The following RECQL5 variants were observed in gnomAD, a reference collection of about 807,000 sequenced individuals.
RECQL5 encodes ATP-dependent DNA helicase Q5.
Under a neutral mutation model 103.4 loss-of-function variants are expected in RECQL5, and 88 were observed. The ratio of observed to expected loss-of-function variants is 0.85; its 90% confidence interval spans 0.72 to 1.02. RECQL5 has a LOEUF of 1.02. Ranked by LOEUF, RECQL5 falls within the 50% of genes least tolerant of loss-of-function variation. The pLI is 0.00. For missense variants in RECQL5, 1,232 were observed against 1,284.3 expected (o/e 0.96, Z 0.62); for synonymous variants, 552 against 507.9 (o/e 1.09, Z -1.17).
chr17:75,630,868 T>C (rs2148231734), intron 11 of RECQL5, 31 bp from the exon 12 acceptor site: 1 of 1,499,576 alleles, frequency 6.7e-7, no homozygotes, highest in Non-Finnish European at 9.0e-7. Flanking sequence ...CCTTGGTCCT[T>C]TCGCTCCACC....
intron 8 of RECQL5, chr17:75,649,398 G>A (rs1661245325): frequency 6.5e-6 from 1 of 153,464 alleles, no homozygotes; most frequent in African/African-American, 2.4e-5. Flanking sequence ...CGCCTCATTA[G>A]TTAACTGACC....
chr17:75,630,195 C>T lies in RECQL5; in HGVS notation c.1801G>A (p.Val601Met), dbSNP rs773370158. 21 of 1,552,332 alleles carry T rather than the reference C, an allele frequency of 1.4e-5. No individual in the cohort carries two copies. The highest frequency in any genetic ancestry group is 1.7e-4 in the Middle Eastern group (1 of 6,004). Residue 601 changes from valine to methionine, a missense_variant, in exon 14 of 20, where the codon GTG becomes ATG. Coordinates refer to ENST00000317905, the MANE Select transcript of RECQL5 (RefSeq NM_004259.7). ...TGCACCAGGCCCACCTTCTTCAGCA[C>T]GCTGGCCTTGTAGAGGTTGGCCACC... is the stretch of plus-strand genomic sequence containing the variant. ...AKVANLYKASVLKKVADIHRA... is the reference protein window; with the variant it reads ...AKVANLYKASMLKKVADIHRA...
At chr17:75,644,351 T>C (rs1324091023) in intron 8 of RECQL5, among the ~76,000 whole-genome samples, 1 of 151,642 alleles carries the variant, frequency 6.6e-6, no homozygotes, top group African/African-American at 2.4e-5. Context: ...GTATATCACA[T>C]GCATGTAATC....
Position 75,641,824 on chromosome 17 carries a change from C to T in RECQL5, c.1229+9362G>A, listed in dbSNP as rs28545000. 2.8e-3 allele frequency among the ~76,000 whole-genome samples: 425 copies of T among 152,300 alleles called. 3 individuals carry two copies. Among genetic ancestry groups the T allele is most frequent in the Middle Eastern group, 0.014 (4 of 294 alleles). On this transcript the variant is annotated intron_variant, in intron 8 of 19. Coordinates refer to ENST00000317905, the MANE Select transcript of RECQL5 (RefSeq NM_004259.7). Reference sequence around the variant, plus strand: ...TGTAACCTGCCTCCTGACCCTGTGGCCCTCCCCCATTTGTGTGCTGTCTGG... The same window carrying T: ...TGTAACCTGCCTCCTGACCCTGTGGTCCTCCCCCATTTGTGTGCTGTCTGG...
At chr17:75,629,558 T>A in intron 15 of RECQL5, 83 bp from the exon 16 acceptor site, 2 of 1,498,320 alleles carry the variant, frequency 1.3e-6, no homozygotes, top group Non-Finnish European at 1.8e-6. Flanking sequence ...TAACTCACAT[T>A]GGGACGGGGC....
intron 8 of RECQL5, chr17:75,633,949 G>A (rs117916098): frequency 0.016 from 15,299 of 985,636 alleles, 145 homozygotes; most frequent in Non-Finnish European, 0.017. Context: ...GTGAGGCACC[G>A]GGACATGAAG....
Position 75,629,263 on chromosome 17 carries a change from G to A in RECQL5, c.2160C>T (p.Ser720=), listed in dbSNP as rs776198273. The A allele has an allele frequency of 2.3e-5, 37 of 1,608,918 alleles. No homozygotes were observed. The highest frequency in any genetic ancestry group is 6.7e-5 in the East Asian group (3 of 44,810). Reference sequence around the variant, plus strand: ...CAGGGGAGGGCCCCCCATAGTGAGCGCTGCCTCCAGGGACCTCCCCTCTGG... The same window carrying A: ...CAGGGGAGGGCCCCCCATAGTGAGCACTGCCTCCAGGGACCTCCCCTCTGG... ...PGPRGEVPGG[S]AHYGGPSPEK... The change falls in exon 16 of 20, where the codon AGC becomes AGT. Residue 720 remains serine, a synonymous_variant. Coordinates refer to ENST00000317905, the MANE Select transcript of RECQL5 (RefSeq NM_004259.7).
At chr17:75,632,216 T>C (rs939318820) in intron 8 of RECQL5, among the ~76,000 whole-genome samples, 3 of 152,238 alleles carry the variant, frequency 2.0e-5, no homozygotes, top group East Asian at 1.9e-4. Context: ...ACTTTTTCTA[T>C]GCTTATGTGT....
rs73366185 is a variant in RECQL5, at chr17:75,630,888, C to T, written c.1586-51G>A. 7,758 of 1,555,762 alleles carry T rather than the reference C, an allele frequency of 5.0e-3. 338 individuals are homozygous for T. In the African/African-American group the frequency reaches 0.091, roughly 18 times the overall value. ...GTCCTTTCGCTCCACCTTCTGCGCT[C>T]TGAGGTCCCCCACAGCCCGGATGAG... On this transcript the variant is annotated intron_variant, in intron 11 of 19. Transcript: ENST00000317905.
At chr17:75,634,130 G>C (rs576185133) in intron 8 of RECQL5, 25 of 985,374 alleles carry the variant, frequency 2.5e-5, no homozygotes, top group Non-Finnish European at 2.8e-5. Flanking sequence ...GCCCACGAAG[G>C]AAGTACGAGG....
chr17:75,640,073 C>A lies in RECQL5; in HGVS notation c.1230-8405G>T. The A allele has an allele frequency of 3.0e-6, 4 of 1,312,192 alleles. No individual in the cohort carries two copies. Among genetic ancestry groups the A allele is most frequent in the East Asian group, 2.6e-5 (1 of 38,568 alleles). The allele number at this position is 1,312,192 out of a possible 1,614,324, so 81.3% of individuals were successfully genotyped here. ...TGTGAGACCTGACAAACTTGTTCTG[C>A]GGGCTGCGGATGGGTGCGAGGGTGG... On this transcript the variant is annotated intron_variant, in intron 8 of 19. Coordinates refer to ENST00000317905, the MANE Select transcript of RECQL5 (RefSeq NM_004259.7). The surrounding 1 kb of genome is among the most constrained non-coding windows in gnomAD (Gnocchi z 4.6).
chr17:75,647,636 C>A, intron 8 of RECQL5: 1 of 1,454,422 alleles, frequency 6.9e-7, no homozygotes, highest in Non-Finnish European at 9.3e-7. Flanking sequence ...GTGGTGGGCC[C>A]CTTCGCGGTT....
chr17:75,653,536 C>A (rs1328347258), intron 7 of RECQL5, among the ~76,000 whole-genome samples: 4 of 152,150 alleles, frequency 2.6e-5, no homozygotes, highest in Non-Finnish European at 4.4e-5. Context: ...TCATCAGCGG[C>A]CTTTTTTGTG....
At chr17:75,628,905 G>A (rs375494802) in intron 16 of RECQL5, 29 bp downstream of exon 16, 1 of 1,582,332 alleles carries the variant, frequency 6.3e-7, no homozygotes, top group Non-Finnish European at 8.5e-7. Context: ...GTAGGTTCCA[G>A]AAGATTCTAT....
rs1464501881 is a variant in RECQL5, at chr17:75,666,587, G to C, written c.-14-16C>G. On this transcript the variant is annotated splice_polypyrimidine_tract_variant and intron_variant, in intron 1 of 19. Transcript: ENST00000317905. ...GCCAAGAACAGTGGCCAAAGGTTAA[G>C]GCAAAGGTAGTAAAAGGTTGCCACG... 14 of 1,607,434 alleles carry C rather than the reference G, an allele frequency of 8.7e-6. No homozygotes were observed. Among genetic ancestry groups the C allele is most frequent in the Non-Finnish European group, 1.2e-5 (14 of 1,177,620 alleles).
rs1253512698 is a variant in RECQL5 at position 75,631,650 on chromosome 17, A to AATGGCGGC, written c.1240_1247dup (p.Ile416MetfsTer110). 4 of 1,611,238 alleles carry AATGGCGGC rather than the reference A, an allele frequency of 2.5e-6. No homozygotes were observed. In the African/African-American group the frequency reaches 5.3e-5, roughly 22 times the overall value. On this transcript the variant is annotated frameshift_variant, in exon 9 of 20. Transcript: ENST00000317905. LOFTEE classifies it high-confidence loss of function. ...GCAGCGCATCCCCGAAGTACTTGGC[A>AATGGCGGC]ATGGCGGCATGGCGGCACCTGGAGC...
Position 75,629,763 on chromosome 17 carries a change from G to C in RECQL5, c.1892C>G (p.Ala631Gly). ...ATACTCATTGGGCTCCGGGGGCTCAGCTTGGGCACTGCAGCTCTTGGCACT... is the reference window on the plus strand; with the variant it reads ...ATACTCATTGGGCTCCGGGGGCTCACCTTGGGCACTGCAGCTCTTGGCACT... ...GGSAKSCSAQ[A>G]EPPEPNEYDI... is the part of the protein sequence containing the mutation. Residue 631 changes from alanine (A) to glycine (G), a missense_variant, in exon 15 of 20, where the codon GCT (alanine) becomes GGT (glycine). Transcript: ENST00000317905. 6.2e-7 allele frequency: 1 copy of C among 1,613,656 alleles called. No individual in the cohort carries two copies. The highest frequency in any genetic ancestry group is 8.5e-7 in the Non-Finnish European group (1 of 1,179,810).
Position 75,627,785 on chromosome 17 carries a change from C to T in RECQL5, c.2806-93G>A, listed in dbSNP as rs550352861. 4.3e-4 allele frequency: 474 copies of T among 1,111,292 alleles called. 2 individuals carry two copies. In the East Asian group the frequency reaches 5.6e-3, roughly 13 times the overall value. 68.8% of individuals were successfully genotyped at this position (1,111,292 alleles called of 1,614,324 possible). A position where few individuals can be genotyped will look rare whatever the true frequency, so the allele number is the denominator to read the frequency against. ...CTGTAATCCCAGCACTTTGGGAGGC[C>T]GAGGCGGGCGGATCATGAGGTCAGG... On this transcript the variant is annotated intron_variant, in intron 18 of 19. Transcript: ENST00000317905.
At position 75,643,438 on chromosome 17, in the gene RECQL5, C is replaced by A. The variant is rs1446354534; in HGVS notation, c.1229+7748G>T. ...GAGTCCGCACAGGATTCGGTCCCTGCCCTCACAGGACTCACTCCTCCCTGC... is the reference window on the plus strand; with the variant it reads ...GAGTCCGCACAGGATTCGGTCCCTGACCTCACAGGACTCACTCCTCCCTGC... On this transcript the variant is annotated intron_variant, in intron 8 of 19. Coordinates refer to ENST00000317905, the MANE Select transcript of RECQL5 (RefSeq NM_004259.7). Among the ~76,000 whole-genome samples, 4 of 152,338 alleles carry A rather than the reference C, an allele frequency of 2.6e-5. No homozygotes were observed. In the East Asian group the frequency reaches 7.7e-4, roughly 29 times the overall value.
Sources: allele counts gnomAD v4.1 joint callset (sites outside exome capture counted in the v4.1 genomes callset), GRCh38; gene constraint gnomAD v4.1.1; non-coding constraint Gnocchi (gnomAD v3.1); transcripts MANE v1.5; gene names NCBI Gene and HGNC (gene_info 2026-07-23, HGNC 2026-07-21).